The following TTN variants were observed in gnomAD, a reference collection of about 807,000 sequenced individuals.
TTN encodes connectin.
A neutral mutation model predicts 3,223.0 loss-of-function variants in TTN; 1,525 were observed. The ratio of observed to expected loss-of-function variants is 0.47; its 90% CI spans 0.45 to 0.49. The LOEUF (loss-of-function observed/expected upper bound fraction) is 0.49, where lower values mean the gene tolerates loss of function less well. TTN is among the 20% of genes least tolerant of loss of function. TTN has a pLI of 0.00. For synonymous variants in TTN, 14,094 were observed against 15,161.0 expected (o/e 0.93, Z 5.17); for missense variants, 40,786 against 43,424.0 (o/e 0.94, Z 5.40).
intron 204 of TTN, 33 bp downstream of exon 204, chr2:178,652,063 A>T (rs766469257): frequency 9.9e-6 from 16 of 1,611,548 alleles, no homozygotes; most frequent in Admixed American, 1.7e-5. Context: ...AGATTTTTTT[A>T]AAAAACACTA....
chr2:178,784,227 G>A lies in TTN; in HGVS notation c.2618C>T (p.Ala873Val), dbSNP rs560634372. ...TVKPSETRVRAEPTPLPQFPF... is the reference protein window; with the variant it reads ...TVKPSETRVRVEPTPLPQFPF... ...GAACTGTGGCAAGGGTGTGGGCTCT[G>A]CCCTTACTCTAGTCTCACTGGGCTT... Residue 873 changes from alanine (A) to valine (V), a missense_variant, in exon 16 of 363, where the codon GCA (alanine) becomes GTA (valine). Transcript: ENST00000589042. 5 of 1,614,142 alleles carry A rather than the reference G, an allele frequency of 3.1e-6. No individual in the cohort carries two copies. The highest frequency in any genetic ancestry group is 4.5e-5 in the East Asian group (2 of 44,850).
At position 178,799,386 on chromosome 2, in the gene TTN, C is replaced by T. The variant is rs545977099; in HGVS notation, c.914+101G>A. The T allele has an allele frequency of 2.8e-5, 44 of 1,581,250 alleles. No homozygotes were observed. The East Asian group carries it at 9.2e-4, about 33-fold the overall frequency. ...CGGGACACTGAAGAAGCGAACCACTCTCCGCGTCGCATGCCCTGCGAGGGG... is the reference window on the plus strand; with the variant it reads ...CGGGACACTGAAGAAGCGAACCACTTTCCGCGTCGCATGCCCTGCGAGGGG... On this transcript the variant is annotated intron_variant, in intron 6 of 362. Transcript: ENST00000589042.
chr2:178,605,750 A>AT, intron 278 of TTN, 37 bp from the exon 279 acceptor site: 1 of 1,401,198 alleles, frequency 7.1e-7, no homozygotes, highest in Non-Finnish European at 9.4e-7. Flanking sequence ...TTAGCATGAG[A>AT]TAAATATTCA....
intron 50 of TTN, 76 bp from the exon 51 acceptor site, chr2:178,735,064 A>G: frequency 7.0e-7 from 1 of 1,431,894 alleles, no homozygotes; most frequent in Non-Finnish European, 9.2e-7. Flanking sequence ...GTAGACATAT[A>G]CAACAAAGAG....
At position 178,530,599 on chromosome 2, in the gene TTN, T is replaced by C. The variant is rs1688685029; in HGVS notation, c.106016A>G (p.Asp35339Gly). The change falls in exon 358 of 363, where the codon GAT (aspartate) becomes GGT (glycine). Residue 35339 changes from aspartate (D) to glycine (G), a missense_variant. By Grantham distance (94) the Asp-to-Gly change is moderately conservative (BLOSUM62 -1). Coordinates refer to ENST00000589042, the MANE Select transcript of TTN (RefSeq NM_001267550.2). ...ATTGATTTTGAGCTCATAGGTACCA[T>C]CTGCTGAATAATGAAACTGGAAATG... ...NGHFQFHYSA[D>G]GTYELKINNL... The C allele has an allele frequency of 1.2e-6, 2 of 1,613,926 alleles. No individual in the cohort carries two copies. Among genetic ancestry groups the C allele is most frequent in the Non-Finnish European group, 1.7e-6 (2 of 1,179,902 alleles).
At chr2:178,712,662 T>C in intron 94 of TTN, 35 bp downstream of exon 94, 1 of 1,607,084 alleles carries the variant, frequency 6.2e-7, no homozygotes, top group Non-Finnish European at 8.5e-7. Context: ...ATCTAATTAC[T>C]AATCGTATAA....
At position 178,580,134 on chromosome 2, in the gene TTN, G is replaced by A. The variant is rs781562260; in HGVS notation, c.67153C>T (p.Pro22385Ser). 9.3e-6 allele frequency: 15 copies of A among 1,613,102 alleles called. No homozygotes were observed. The highest frequency in any genetic ancestry group is 1.2e-5 in the Non-Finnish European group (14 of 1,179,480). ...TTTTGTACCACATAGTTTATGATGG[G>A]GCTTCCGCCATCAATAATGGGAGGC... ...WEPPIIDGGS[P>S]IINYVVQKRD... Residue 22385 changes from proline (P) to serine (S), a missense_variant, in exon 318 of 363, where the codon CCC (proline) becomes TCC (serine). By Grantham distance (74) the Pro-to-Ser change is moderately conservative. Transcript: ENST00000589042.
Position 178,678,789 on chromosome 2 carries a change from G to A in TTN, c.33784C>T (p.Pro11262Ser), listed in dbSNP as rs757779935. The change falls in exon 143 of 363, where the codon CCA becomes TCA. Residue 11262 changes from proline to serine, a missense_variant. Transcript: ENST00000589042. ...PKKPVPEEKV[P>S]VPVPKKVEAP... Reference sequence around the variant, plus strand: ...TCCACCTTTTTAGGAACTGGTACTGGTACTTTCTCCTCTGGCACAGGTTTC... The same window carrying A: ...TCCACCTTTTTAGGAACTGGTACTGATACTTTCTCCTCTGGCACAGGTTTC... 1 of 1,604,960 alleles carries A rather than the reference G, an allele frequency of 6.2e-7. No individual in the cohort carries two copies. Among genetic ancestry groups the A allele is most frequent in the Non-Finnish European group, 8.5e-7 (1 of 1,176,938 alleles).
intron 338 of TTN, 28 bp from the exon 339 acceptor site, chr2:178,549,501 C>T: frequency 1.3e-6 from 2 of 1,592,426 alleles, no homozygotes; most frequent in East Asian, 4.5e-5. Flanking sequence ...AACCCCAAAT[C>T]AATTAGATGC....
chr2:178,591,613 C>G lies in TTN; in HGVS notation c.60206G>C (p.Cys20069Ser), dbSNP rs763176338. Residue 20069 changes from cysteine (C) to serine (S), a missense_variant, in exon 303 of 363, where the codon TGT (cysteine) becomes TCT (serine). By Grantham distance (112) the Cys-to-Ser change is moderately radical. Coordinates refer to ENST00000589042, the MANE Select transcript of TTN (RefSeq NM_001267550.2). ...CCAAAAATTACCTAGTTTTTCTTGA[C>G]ATTCTATCGGGATAGTTGTGTCAGG... The part of the protein sequence containing the change: ...GLPDTTIPIE[C>S]QEKLVPPSVE... 6.2e-7 allele frequency: 1 copy of G among 1,611,656 alleles called. No individual in the cohort carries two copies. The highest frequency in any genetic ancestry group is 1.1e-5 in the South Asian group (1 of 90,190).
In TTN at chr2:178,584,184, G is replaced by A. The variant is rs16866400; in HGVS notation, c.65275+92C>T. 310,749 of 1,388,464 alleles carry A rather than the reference G, an allele frequency of 0.22. 41,030 individuals carry two copies. The highest frequency in any genetic ancestry group is 0.68 in the East Asian group (29,237 of 43,108). The allele number at this position is 1,388,464 out of a possible 1,614,324, so 86.0% of individuals were successfully genotyped here. A position where few individuals can be genotyped will look rare whatever the true frequency, so the allele number is the denominator to read the frequency against. On this transcript the variant is annotated intron_variant, in intron 311 of 362. Coordinates refer to ENST00000589042, the MANE Select transcript of TTN (RefSeq NM_001267550.2). Reference sequence around the variant, plus strand: ...AATCTTCAGATCTCTACTACTCTCTGTGTCTTGGAGTCCAAATCTTAGACT... The same window carrying A: ...AATCTTCAGATCTCTACTACTCTCTATGTCTTGGAGTCCAAATCTTAGACT...
chr2:178,800,134 T>C (rs1337750594), intron 4 of TTN, among the ~76,000 whole-genome samples: 1 of 152,240 alleles, frequency 6.6e-6, no homozygotes, highest in African/African-American at 2.4e-5. Context: ...AATTTCATTA[T>C]TTGCCAATAA....
At chr2:178,779,194 GT>G in intron 23 of TTN, 34 bp downstream of exon 23, 1 of 1,612,842 alleles carries the variant, frequency 6.2e-7, no homozygotes, top group Non-Finnish European at 8.5e-7. Flanking sequence ...TATCTTTACT[GT>G]GGCAAGGAGC....
Position 178,594,050 on chromosome 2 carries a change from T to TTGA in TTN, c.58340_58342dup (p.Ile19447dup). 2.5e-6 allele frequency: 4 copies of TTGA among 1,613,552 alleles called. No individual in the cohort carries two copies. The highest frequency in any genetic ancestry group is 3.4e-6 in the Non-Finnish European group (4 of 1,179,640). On this transcript the variant is annotated inframe_insertion, in exon 297 of 363. Coordinates refer to ENST00000589042, the MANE Select transcript of TTN (RefSeq NM_001267550.2). ...TTTGCCGGAATCTGAACGTTTGGCC[T>TTGA]TGATCTTCTCTAAAGCAAGTGTTGC...
At chr2:178,615,526 C>T in intron 258 of TTN, 42 bp from the exon 259 acceptor site, 2 of 1,608,018 alleles carry the variant, frequency 1.2e-6, no homozygotes, top group Non-Finnish European at 1.7e-6. Flanking sequence ...CACAGGCCAC[C>T]TATGCAGTTC....
chr2:178,681,337 A>T, intron 137 of TTN, 39 bp downstream of exon 137: 1 of 1,570,740 alleles, frequency 6.4e-7, no homozygotes, highest in Non-Finnish European at 8.7e-7. Flanking sequence ...GAACATACAT[A>T]ACAAAGTTGT....
chr2:178,595,881 A>G, intron 294 of TTN, 72 bp from the exon 295 acceptor site: 1 of 1,418,580 alleles, frequency 7.0e-7, no homozygotes, highest in African/African-American at 1.5e-5. Context: ...TTGTTTTTTT[A>G]AAAGGAGACA....
At chr2:178,681,809 C>A in intron 135 of TTN, 71 bp from the exon 136 acceptor site, 1 of 1,305,572 alleles carries the variant, frequency 7.7e-7, no homozygotes, top group South Asian at 1.4e-5. Context: ...TAAAAGGAAT[C>A]AAATAATTGA....
At position 178,664,005 on chromosome 2, in the gene TTN, T is replaced by TGA. The variant is rs749507978; in HGVS notation, c.36364+8_36364+9dup. ...TAGGTCTTCTGAAGCCTAAAGTCAG[T>TGA]GACAAATACCTTTAACAGGTGGGAC... On this transcript the variant is annotated intron_variant, in intron 169 of 362. Coordinates refer to ENST00000589042, the MANE Select transcript of TTN (RefSeq NM_001267550.2). The TGA allele has an allele frequency of 6.2e-7, 1 of 1,613,168 alleles. No homozygotes were observed. The highest frequency in any genetic ancestry group is 1.1e-5 in the South Asian group (1 of 91,050).
Sources: gnomAD v4.1 joint callset for allele counts (sites outside exome capture counted in the v4.1 genomes callset) on GRCh38, gnomAD v4.1.1 for gene constraint, MANE v1.5 for transcripts, NCBI Gene and HGNC (gene_info 2026-07-23, HGNC 2026-07-21) for gene names.